The following LDLRAD4 variants were observed in gnomAD, a reference collection of about 807,000 sequenced individuals.
The protein encoded by LDLRAD4 is low-density lipoprotein receptor class A domain-containing protein 4.
In LDLRAD4, 5 loss-of-function variants were observed where a neutral mutation model predicts 17.0. The observed-to-expected ratio is 0.29, with a 90% CI of 0.15 to 0.62. LDLRAD4 has a LOEUF of 0.62. Ranked by LOEUF, LDLRAD4 falls within the 20% of genes least tolerant of loss-of-function variation. LDLRAD4 has a pLI of 0.84. For missense variants in LDLRAD4, 340 were observed against 424.7 expected (o/e 0.80, Z 1.75); for synonymous variants, 168 against 171.8 (o/e 0.98, Z 0.17).
chr18:13,390,561 GCTTGGCTCA>G (rs1490378166), intron 2 of LDLRAD4, among the ~76,000 whole-genome samples: 1 of 152,126 alleles, frequency 6.6e-6, no homozygotes, highest in East Asian at 1.9e-4. Flanking sequence ...GATCCTAGGT[GCTTGGCTCA>G]CTTTAAAGTC....
chr18:13,351,451 A>G (rs1568038427), intron 1 of LDLRAD4, among the ~76,000 whole-genome samples: 1 of 152,074 alleles, frequency 6.6e-6, no homozygotes, highest in African/African-American at 2.4e-5. Context: ...GTGTATAGGA[A>G]TGTTTGTGAT....
chr18:13,494,938 T>G (rs2093436395), intron 3 of LDLRAD4, among the ~76,000 whole-genome samples: 1 of 151,784 alleles, frequency 6.6e-6, no homozygotes, highest in African/African-American at 2.4e-5. Context: ...GGGCTCATAT[T>G]CAGCTTAAGG....
At chr18:13,538,864 T>A (rs1316808742) in intron 3 of LDLRAD4, among the ~76,000 whole-genome samples, 1 of 152,186 alleles carries the variant, frequency 6.6e-6, no homozygotes, top group South Asian at 2.1e-4. Flanking sequence ...CTCAGGGAAG[T>A]CAGGCTCTGG....
At chr18:13,545,416 T>C (rs903544268) in intron 3 of LDLRAD4, among the ~76,000 whole-genome samples, 1 of 152,164 alleles carries the variant, frequency 6.6e-6, no homozygotes, top group Non-Finnish European at 1.5e-5. Context: ...TTAGTTAAAG[T>C]GTGGGAAAAC....
intron 3 of LDLRAD4, among the ~76,000 whole-genome samples, chr18:13,528,335 T>G (rs1369439778): frequency 2.6e-5 from 4 of 152,198 alleles, no homozygotes; most frequent in African/African-American, 9.6e-5. Flanking sequence ...TATTTTGAGA[T>G]GGAGTCTTGC....
intron 1 of LDLRAD4, among the ~76,000 whole-genome samples, chr18:13,297,622 C>G (rs2046345464): frequency 6.6e-6 from 1 of 152,138 alleles, no homozygotes; most frequent in East Asian, 1.9e-4. Context: ...TAATGAGACC[C>G]TGTCTCTACA....
At chr18:13,271,709 G>A (rs2044556134) in intron 1 of LDLRAD4, among the ~76,000 whole-genome samples, 1 of 152,176 alleles carries the variant, frequency 6.6e-6, no homozygotes, top group Non-Finnish European at 1.5e-5. Flanking sequence ...AGGAGGTGGG[G>A]CCTCTGAACT....
intron 2 of LDLRAD4, among the ~76,000 whole-genome samples, chr18:13,400,268 G>A (rs2087058780): frequency 6.6e-6 from 1 of 152,204 alleles, no homozygotes; most frequent in African/African-American, 2.4e-5. Context: ...TGGGGTAAAA[G>A]AGAGGGAATC....
intron 3 of LDLRAD4, among the ~76,000 whole-genome samples, chr18:13,619,517 G>GC: frequency 6.7e-6 from 1 of 148,284 alleles, no homozygotes. Context: ...GGTGGGGCCG[G>GC]GGGGGGGCGG....
At chr18:13,627,078 C>T (rs1301542782) in intron 4 of LDLRAD4, among the ~76,000 whole-genome samples, 2 of 152,098 alleles carry the variant, frequency 1.3e-5, no homozygotes, top group African/African-American at 4.8e-5. Flanking sequence ...GAGACCAGCC[C>T]AGCCAACATG....
intron 1 of LDLRAD4, among the ~76,000 whole-genome samples, chr18:13,310,806 T>C (rs1348649605): frequency 6.6e-6 from 1 of 152,274 alleles, no homozygotes; most frequent in Non-Finnish European, 1.5e-5. Context: ...AATCCATAAA[T>C]TAATGTATTT....
At chr18:13,580,750 G>A (rs1188668832) in intron 3 of LDLRAD4, among the ~76,000 whole-genome samples, 1 of 152,204 alleles carries the variant, frequency 6.6e-6, no homozygotes. Flanking sequence ...ATAGCCACAG[G>A]TCTAGGAATC....
At chr18:13,396,059 G>A (rs2086665941) in intron 2 of LDLRAD4, among the ~76,000 whole-genome samples, 1 of 152,154 alleles carries the variant, frequency 6.6e-6, no homozygotes, top group African/African-American at 2.4e-5. Context: ...ACCCAGAAAT[G>A]GGATGCAAAA....
At chr18:13,428,517 C>G (rs1254555030) in intron 2 of LDLRAD4, among the ~76,000 whole-genome samples, 2 of 152,156 alleles carry the variant, frequency 1.3e-5, no homozygotes, top group Non-Finnish European at 2.9e-5. Context: ...AAAATGAAAG[C>G]TGTTGGAGAG....
chr18:13,228,954 A>G (rs2041939261), intron 1 of LDLRAD4, among the ~76,000 whole-genome samples: 1 of 152,214 alleles, frequency 6.6e-6, no homozygotes, highest in Non-Finnish European at 1.5e-5. Context: ...TTGTTATCTG[A>G]TGGACTCTTG....
At chr18:13,618,378 A>G (rs2040282652) in intron 3 of LDLRAD4, among the ~76,000 whole-genome samples, 2 of 152,230 alleles carry the variant, frequency 1.3e-5, no homozygotes, top group African/African-American at 4.8e-5. Context: ...GTTTCCTTCT[A>G]TATGATTTAA....
At chr18:13,608,354 G>T (rs187880837) in intron 3 of LDLRAD4, among the ~76,000 whole-genome samples, 1 of 152,060 alleles carries the variant, frequency 6.6e-6, no homozygotes, top group Non-Finnish European at 1.5e-5. Flanking sequence ...ACTGGAGGGG[G>T]AGGCAGCGGG....
chr18:13,276,787 A>G (rs1429481597), upstream of LDLRAD4, among the ~76,000 whole-genome samples: 1 of 152,132 alleles, frequency 6.6e-6, no homozygotes, highest in Non-Finnish European at 1.5e-5. Flanking sequence ...GGTTGGGTAG[A>G]AGCCAATCAC....
At chr18:13,270,954 T>TA (rs2044501096) in intron 1 of LDLRAD4, among the ~76,000 whole-genome samples, 1 of 152,260 alleles carries the variant, frequency 6.6e-6, no homozygotes, top group Admixed American at 6.5e-5. Context: ...TATATATGCA[T>TA]ACATGTGTAC....
Sources: gnomAD v4.1 joint callset for allele counts (sites outside exome capture counted in the v4.1 genomes callset) on GRCh38, gnomAD v4.1.1 for gene constraint, MANE v1.5 for transcripts, NCBI Gene and HGNC (gene_info 2026-07-23, HGNC 2026-07-21) for gene names.